The following SCAMP1 variants were observed in gnomAD, a reference collection of about 807,000 sequenced individuals.
SCAMP1 encodes the protein secretory carrier-associated membrane protein 1.
Under a neutral mutation model 41.8 loss-of-function variants are expected in SCAMP1, and 15 were observed. The ratio of observed to expected loss-of-function variants is 0.36; its 90% CI spans 0.24 to 0.55. The LOEUF (loss-of-function observed/expected upper bound fraction) is 0.55. SCAMP1 is among the 20% of genes least tolerant of loss of function. The pLI is 0.86. For synonymous variants in SCAMP1, 135 were observed against 136.8 expected, an observed-to-expected ratio of 0.99 and a Z score of 0.09; for missense variants, 341 against 412.6, an observed-to-expected ratio of 0.83 and a Z score of 1.50.
At chr5:78,435,736 T>C (rs1035144975) in intron 6 of SCAMP1, among the ~76,000 whole-genome samples, 1 of 152,236 alleles carries the variant, frequency 6.6e-6, no homozygotes, top group African/African-American at 2.4e-5. Flanking sequence ...TTTGGGTATA[T>C]AGCCAGTAAT....
intron 2 of SCAMP1, among the ~76,000 whole-genome samples, chr5:78,402,360 C>T (rs72760930): frequency 0.012 from 1,900 of 152,044 alleles, 16 homozygotes; most frequent in Non-Finnish European, 0.019. Context: ...TTGAATTCAG[C>T]TATGTTCTTA....
intron 2 of SCAMP1, among the ~76,000 whole-genome samples, chr5:78,402,701 A>G (rs1417534405): frequency 6.6e-6 from 1 of 152,182 alleles, no homozygotes; most frequent in Non-Finnish European, 1.5e-5. Flanking sequence ...TGGGTTTCTT[A>G]TAGACAACAT....
intron 8 of SCAMP1, among the ~76,000 whole-genome samples, chr5:78,466,638 C>T (rs755927834): frequency 3.9e-5 from 6 of 151,984 alleles, no homozygotes; most frequent in East Asian, 3.9e-4. Context: ...AAATTGAACA[C>T]GTAAGTATAG....
chr5:78,375,650 T>C (rs1348664878), intron 1 of SCAMP1, among the ~76,000 whole-genome samples: 1 of 152,162 alleles, frequency 6.6e-6, no homozygotes, highest in African/African-American at 2.4e-5. Context: ...ATGGTGAAAA[T>C]CTGCTACTGT....
At chr5:78,397,815 T>G (rs1751689327) in intron 2 of SCAMP1, among the ~76,000 whole-genome samples, 1 of 152,156 alleles carries the variant, frequency 6.6e-6, no homozygotes, top group Non-Finnish European at 1.5e-5. Flanking sequence ...ATGTTTCTCC[T>G]TAGAAGATAA....
chr5:78,396,899 T>C (rs1040665312), intron 2 of SCAMP1, among the ~76,000 whole-genome samples: 1 of 152,230 alleles, frequency 6.6e-6, no homozygotes, highest in Non-Finnish European at 1.5e-5. Flanking sequence ...TTAGCTATCT[T>C]GAATAGTGTA....
intron 8 of SCAMP1, among the ~76,000 whole-genome samples, chr5:78,461,935 C>CT (rs1490598682): frequency 6.6e-6 from 1 of 152,130 alleles, no homozygotes; most frequent in Non-Finnish European, 1.5e-5. Context: ...TATTCAGACT[C>CT]TTTTTGGTTC....
chr5:78,391,800 C>CT (rs1743039168), intron 2 of SCAMP1, among the ~76,000 whole-genome samples: 1 of 152,202 alleles, frequency 6.6e-6, no homozygotes, highest in South Asian at 2.1e-4. Flanking sequence ...CGGTTAGGAG[C>CT]TGGAGACCAG....
intron 4 of SCAMP1, among the ~76,000 whole-genome samples, chr5:78,418,520 C>CAG (rs1392294950): frequency 7.9e-5 from 12 of 152,166 alleles, no homozygotes; most frequent in African/African-American, 2.6e-4. Flanking sequence ...TAAATGGTTC[C>CAG]TGCTAAACAT....
At chr5:78,395,042 T>C (rs1285517987) in intron 2 of SCAMP1, among the ~76,000 whole-genome samples, 2 of 152,238 alleles carry the variant, frequency 1.3e-5, no homozygotes, top group Non-Finnish European at 2.9e-5. Flanking sequence ...ACTGGACTTA[T>C]TTTCCTAAAG....
At chr5:78,445,333 G>T (rs1411541602) in intron 6 of SCAMP1, among the ~76,000 whole-genome samples, 3 of 152,228 alleles carry the variant, frequency 2.0e-5, no homozygotes, top group African/African-American at 7.2e-5. Context: ...AAAGAGCCAG[G>T]ATGGCAAGTA....
intron 1 of SCAMP1, among the ~76,000 whole-genome samples, chr5:78,361,652 T>C (rs947603265): frequency 9.2e-5 from 14 of 152,274 alleles, no homozygotes; most frequent in African/African-American, 3.1e-4. Flanking sequence ...TTTGAAAGTA[T>C]TCTGAATTTC....
chr5:78,377,459 C>A (rs1042410164), intron 1 of SCAMP1, among the ~76,000 whole-genome samples: 1 of 152,064 alleles, frequency 6.6e-6, no homozygotes, highest in Non-Finnish European at 1.5e-5. Context: ...TAGTCAGTAC[C>A]GAGTTGCTTC....
chr5:78,376,473 C>T (rs150707471), intron 1 of SCAMP1, among the ~76,000 whole-genome samples: 5 of 152,214 alleles, frequency 3.3e-5, no homozygotes, highest in South Asian at 2.1e-4. Context: ...GTGTGATAAA[C>T]GAATGTCATT....
intron 5 of SCAMP1, among the ~76,000 whole-genome samples, chr5:78,419,325 T>C (rs1385032755): frequency 6.6e-6 from 1 of 152,220 alleles, no homozygotes; most frequent in East Asian, 1.9e-4. Context: ...CATAAAATTA[T>C]TACATAAACT....
chr5:78,442,339 C>G (rs987350607), intron 6 of SCAMP1, among the ~76,000 whole-genome samples: 3 of 152,162 alleles, frequency 2.0e-5, no homozygotes, highest in Admixed American at 1.3e-4. Context: ...GGCTCTATCT[C>G]TGCTCACTGC....
intron 7 of SCAMP1, among the ~76,000 whole-genome samples, chr5:78,453,564 T>C (rs1265309636): frequency 2.0e-5 from 3 of 151,368 alleles, no homozygotes; most frequent in South Asian, 2.1e-4. Flanking sequence ...TTGGTACCAG[T>C]ACCATGCTGT....
At chr5:78,454,921 T>C (rs953274033) in intron 7 of SCAMP1, among the ~76,000 whole-genome samples, 4 of 152,050 alleles carry the variant, frequency 2.6e-5, no homozygotes, top group Non-Finnish European at 5.9e-5. Context: ...GGAGAGTGTA[T>C]GTGTCGAGGA....
At chr5:78,456,377 C>T (rs981229876) in intron 7 of SCAMP1, among the ~76,000 whole-genome samples, 3 of 151,748 alleles carry the variant, frequency 2.0e-5, no homozygotes, top group Non-Finnish European at 4.4e-5. Context: ...TAGGGCAGGC[C>T]TGGTGGTGAC....
Sources: allele counts gnomAD v4.1 joint callset (sites outside exome capture counted in the v4.1 genomes callset), GRCh38; gene constraint gnomAD v4.1.1; transcripts MANE v1.5; gene names NCBI Gene and HGNC (gene_info 2026-07-23, HGNC 2026-07-21).